Variants in CD1B observed in about 807,000 individuals in gnomAD.
CD1B encodes the protein CD1b molecule.
In CD1B, 43 loss-of-function variants were observed where a neutral mutation model predicts 39.8. That is an observed-to-expected ratio of 1.08 (90% CI 0.85 to 1.39). CD1B has a LOEUF of 1.39. CD1B is among the 40% of genes most tolerant of loss of function. The pLI is 0.00. For synonymous variants in CD1B, 192 were observed against 152.5 expected, an observed-to-expected ratio of 1.26 and a Z score of -1.91; for missense variants, 495 against 403.8, an observed-to-expected ratio of 1.23 and a Z score of -1.94.
In CD1B at chr1:158,331,013, G is replaced by T. The variant is rs1652581447; in HGVS notation, c.111C>A (p.Thr37=). The T allele has an allele frequency of 6.2e-7, 1 of 1,613,924 alleles. No individual in the cohort carries two copies. The highest frequency in any genetic ancestry group is 1.7e-5 in the Admixed American group (1 of 59,988). The change falls in exon 2 of 6, where the codon ACC becomes ACA. Residue 37 remains threonine, a synonymous_variant. Transcript: ENST00000368168. ...CTTGAGTTTGTGCCCAGGTACTATT[G>T]GTAAAGGACGAGGTCTGGATAACAT... ...SFHVIQTSSF[T]NSTWAQTQGS... is the part of the protein sequence containing the mutation.
At chr1:158,328,851 G>C in intron 5 of CD1B, 70 bp downstream of exon 5, 1 of 1,064,504 alleles carries the variant, frequency 9.4e-7, no homozygotes. Flanking sequence ...TAGATAAAAT[G>C]GTAAAAAACA....
At chr1:158,325,699 T>G (rs1196245611), downstream of CD1B, among the ~76,000 whole-genome samples, 1 of 151,990 alleles carries the variant, frequency 6.6e-6, no homozygotes, top group African/African-American at 2.4e-5. Flanking sequence ...AGAGAAAAGC[T>G]TTTCTGGTGA....
At chr1:158,322,429 T>TTG in the CD1B span, among the ~76,000 whole-genome samples, 1 of 149,514 alleles carries the variant, frequency 6.7e-6, no homozygotes. Flanking sequence ...TTTTTTTTTT[T>TTG]TGTGTGTGTG....
the CD1B span, among the ~76,000 whole-genome samples, chr1:158,319,893 A>G: frequency 3.9e-5 from 6 of 152,330 alleles, no homozygotes; most frequent in African/African-American, 1.4e-4. Flanking sequence ...CAGGACCCTC[A>G]GCTGCAGGTC....
At chr1:158,292,691 T>C in the CD1B span, 2 of 1,614,144 alleles carry the variant, frequency 1.2e-6, no homozygotes, top group Non-Finnish European at 1.7e-6. Flanking sequence ...AAAGCCTGTT[T>C]GGGTGACATG....
chr1:158,299,226 A>G, the CD1B span, among the ~76,000 whole-genome samples: 1 of 152,256 alleles, frequency 6.6e-6, no homozygotes, highest in East Asian at 1.9e-4. Flanking sequence ...TAGCATGAAC[A>G]GCTGTTGAAT....
At chr1:158,320,265 C>T in the CD1B span, among the ~76,000 whole-genome samples, 1,913 of 152,310 alleles carry the variant, frequency 0.013, 38 homozygotes, top group African/African-American at 0.04. Flanking sequence ...GCCTCACTGC[C>T]GCCTTGCAGT....
chr1:158,328,158 T>C lies in CD1B; in HGVS notation c.*78A>G. On this transcript the variant is annotated 3_prime_UTR_variant, in exon 6 of 6. Transcript: ENST00000368168. ...TCAAATTTGAAAATCATTTGAAATA[T>C]GATAAGATTGACTTTTGGGCTGATA... 1 of 1,031,954 alleles carries C rather than the reference T, an allele frequency of 9.7e-7. No individual in the cohort carries two copies. The allele number at this position is 1,031,954 out of a possible 1,614,324, so 63.9% of individuals were successfully genotyped here.
intron 3 of CD1B, 77 bp downstream of exon 3, chr1:158,329,775 A>G: frequency 6.4e-7 from 1 of 1,556,852 alleles, no homozygotes; most frequent in South Asian, 1.2e-5. Context: ...CTTGTTATTT[A>G]AGCTCCTATC....
intron 5 of CD1B, 128 bp downstream of exon 5, chr1:158,328,793 T>A: frequency 1.5e-5 from 10 of 648,162 alleles, no homozygotes; most frequent in Admixed American, 3.3e-5. Flanking sequence ...CGAATGGGAG[T>A]TTGGGGAAAG....
At chr1:158,317,029 G>C in the CD1B span, among the ~76,000 whole-genome samples, 1 of 151,644 alleles carries the variant, frequency 6.6e-6, no homozygotes, top group Non-Finnish European at 1.5e-5. Context: ...TGGTGGATAA[G>C]CTTTTTGATG....
the CD1B span, chr1:158,291,540 C>T: frequency 1.2e-6 from 1 of 859,352 alleles, no homozygotes; most frequent in South Asian, 1.8e-5. Context: ...AAGGGATATT[C>T]CTGATGTTGA....
the CD1B span, among the ~76,000 whole-genome samples, chr1:158,316,788 G>C: frequency 6.6e-6 from 1 of 151,802 alleles, no homozygotes; most frequent in South Asian, 2.1e-4. Flanking sequence ...GATATTGGCT[G>C]TGGGTTTGTC....
Position 158,328,299 on chromosome 1 carries a change from G to A in CD1B, c.981-42C>T, listed in dbSNP as rs539258229. The stretch of plus-strand genomic sequence containing the variant: ...AACAAAAGAGCTCCACATAAAAGAT[G>A]TTTGTACACCCATGCTCATAGTAAT... On this transcript the variant is annotated intron_variant, in intron 5 of 5. Transcript: ENST00000368168. The A allele has an allele frequency of 3.0e-5, 46 of 1,513,736 alleles. No individual in the cohort carries two copies. The South Asian group carries it at 4.3e-4, about 14-fold the overall frequency. 93.8% of individuals were successfully genotyped at this position (1,513,736 alleles called of 1,614,324 possible). A position where few individuals can be genotyped will look rare whatever the true frequency, so the allele number is the denominator to read the frequency against.
the CD1B span, among the ~76,000 whole-genome samples, chr1:158,297,576 A>G: frequency 1.3e-5 from 2 of 152,168 alleles, no homozygotes; most frequent in African/African-American, 2.4e-5. Context: ...GACAAAATCA[A>G]CTTCTCACTT....
chr1:158,318,815 C>T, the CD1B span, among the ~76,000 whole-genome samples: 1 of 152,110 alleles, frequency 6.6e-6, no homozygotes, highest in Non-Finnish European at 1.5e-5. Flanking sequence ...TTGTTCCTTT[C>T]CATGTTTAGC....
chr1:158,317,617 C>T, the CD1B span, among the ~76,000 whole-genome samples: 1 of 152,056 alleles, frequency 6.6e-6, no homozygotes, highest in Non-Finnish European at 1.5e-5. Context: ...AAAACCAGCT[C>T]CTGGATTCAT....
At chr1:158,322,949 A>C in the CD1B span, among the ~76,000 whole-genome samples, 16 of 152,218 alleles carry the variant, frequency 1.1e-4, no homozygotes, top group Non-Finnish European at 4.4e-5. Flanking sequence ...TTCGAGAGTC[A>C]AAGGGTATGT....
At chr1:158,299,161 A>G in the CD1B span, among the ~76,000 whole-genome samples, 2 of 152,128 alleles carry the variant, frequency 1.3e-5, no homozygotes, top group African/African-American at 4.8e-5. Context: ...TGTCATAAAT[A>G]GGTCTTAGTA....
Sources: allele counts gnomAD v4.1 joint callset (sites outside exome capture counted in the v4.1 genomes callset), GRCh38; gene constraint gnomAD v4.1.1; transcripts MANE v1.5; gene names NCBI Gene and HGNC (gene_info 2026-07-23, HGNC 2026-07-21).